Variants in DPP6 observed in about 807,000 individuals in gnomAD.
DPP6 encodes A-type potassium channel modulatory protein DPP6.
A neutral mutation model predicts 122.6 loss-of-function variants in DPP6; 69 were observed. That is an observed-to-expected ratio of 0.56 (90% CI 0.46 to 0.69). DPP6 has a LOEUF of 0.69. Ranked by LOEUF, DPP6 falls within the 30% of genes least tolerant of loss-of-function variation. The pLI, the probability that DPP6 is intolerant of heterozygous loss-of-function variation, is 0.00. For synonymous variants in DPP6, 418 were observed against 433.1 expected (o/e 0.97, Z 0.43); for missense variants, 928 against 1,116.9 (o/e 0.83, Z 2.41).
At chr7:154,180,246 G>T (rs1240860638) in intron 1 of DPP6, among the ~76,000 whole-genome samples, 8 of 151,732 alleles carry the variant, frequency 5.3e-5, no homozygotes, top group African/African-American at 1.5e-4. Context: ...TACTCGGGAG[G>T]CTGAGGCATA....
intron 16 of DPP6, among the ~76,000 whole-genome samples, chr7:154,850,774 CT>C (rs1482331939): frequency 3.9e-5 from 6 of 152,160 alleles, no homozygotes; most frequent in Non-Finnish European, 8.8e-5. Flanking sequence ...CTTTGTACTT[CT>C]GTGTTATCAG....
At position 154,728,933 on chromosome 7, in the gene DPP6, C is replaced by T. The variant is rs116532109; in HGVS notation, c.883+1046C>T. ...TAACCTCATCACCTTACAAAGGCTC[C>T]ACCTCCTAACCCCATCACCTTAGGG... On this transcript the variant is annotated intron_variant, in intron 8 of 25. Coordinates refer to ENST00000377770, the MANE Select transcript of DPP6 (RefSeq NM_130797.4). Among the ~76,000 whole-genome samples the T allele has an allele frequency of 6.8e-3, 1,036 of 152,286 alleles. 12 individuals are homozygous for T. The highest frequency in any genetic ancestry group is 0.024 in the African/African-American group (978 of 41,560).
At chr7:154,162,457 A>G (rs550758675) in intron 1 of DPP6, among the ~76,000 whole-genome samples, 45 of 152,370 alleles carry the variant, frequency 3.0e-4, no homozygotes, top group African/African-American at 1.1e-3. Context: ...TCTTGAATAT[A>G]TAAAATTAGA....
At chr7:154,050,221 T>C (rs1229000443), upstream of DPP6, among the ~76,000 whole-genome samples, 4 of 152,004 alleles carry the variant, frequency 2.6e-5, no homozygotes, top group Non-Finnish European at 2.9e-5. Flanking sequence ...TCGCTTATCA[T>C]ATTTTCTTAG....
chr7:153,849,794 T>C, the DPP6 span, among the ~76,000 whole-genome samples: 2 of 152,200 alleles, frequency 1.3e-5, no homozygotes, highest in African/African-American at 4.8e-5. Context: ...TCATATACAT[T>C]TTGGCAAACC....
chr7:154,205,655 C>G (rs1799402349), intron 1 of DPP6, among the ~76,000 whole-genome samples: 1 of 152,120 alleles, frequency 6.6e-6, no homozygotes, highest in Admixed American at 6.5e-5. Context: ...CATGGCACAG[C>G]CTGAGCTCAC....
At chr7:154,684,717 A>G (rs1278638336) in intron 7 of DPP6, among the ~76,000 whole-genome samples, 1 of 152,152 alleles carries the variant, frequency 6.6e-6, no homozygotes, top group Non-Finnish European at 1.5e-5. Flanking sequence ...AAAGGTTATG[A>G]TTGCACGTAC....
At chr7:154,181,660 C>A (rs1798088507) in intron 1 of DPP6, among the ~76,000 whole-genome samples, 1 of 151,988 alleles carries the variant, frequency 6.6e-6, no homozygotes, top group Admixed American at 6.6e-5. Flanking sequence ...TCATTTGGAC[C>A]CCTTATCTCT....
At chr7:154,551,370 A>G (rs1411890102) in intron 4 of DPP6, among the ~76,000 whole-genome samples, 1 of 152,038 alleles carries the variant, frequency 6.6e-6, no homozygotes, top group African/African-American at 2.4e-5. Flanking sequence ...GAAAAAGCAA[A>G]ATTTTTGTGC....
intron 1 of DPP6, among the ~76,000 whole-genome samples, chr7:154,183,706 G>A (rs1798211138): frequency 6.6e-6 from 1 of 152,190 alleles, no homozygotes; most frequent in Non-Finnish European, 1.5e-5. Flanking sequence ...TGGAGAGAAC[G>A]ACGGACAATT....
chr7:154,446,364 C>T, intron 2 of DPP6, 36 bp downstream of exon 2: 3 of 1,535,564 alleles, frequency 2.0e-6, no homozygotes, highest in Non-Finnish European at 2.7e-6. Flanking sequence ...AAGTCGCTGT[C>T]AGAGAGAAAG....
chr7:154,476,763 G>C (rs1407662607), intron 3 of DPP6, among the ~76,000 whole-genome samples: 2 of 152,154 alleles, frequency 1.3e-5, no homozygotes, highest in East Asian at 3.9e-4. Flanking sequence ...ATGCCCAGCA[G>C]TTACAAAAAC....
intron 6 of DPP6, among the ~76,000 whole-genome samples, chr7:154,662,554 A>G (rs368995049): frequency 0.016 from 287 of 17,404 alleles, 4 homozygotes; most frequent in South Asian, 0.031. Context: ...ATGGCGTATC[A>G]GCCGTAGTGT....
At chr7:154,299,571 G>A (rs918496230) in intron 1 of DPP6, among the ~76,000 whole-genome samples, 2 of 152,184 alleles carry the variant, frequency 1.3e-5, no homozygotes, top group Non-Finnish European at 2.9e-5. Context: ...CATGACTCCA[G>A]AAGAATCGTA....
intron 5 of DPP6, among the ~76,000 whole-genome samples, chr7:154,612,851 ATTGGGCTTATT>A (rs1611001): frequency 0.4 from 61,475 of 152,072 alleles, 13,439 homozygotes; most frequent in East Asian, 0.65. Context: ...GACTTGTCTT[ATTGGGCTTATT>A]GTCTTATTTG....
chr7:154,714,294 C>T (rs1841357135), intron 7 of DPP6, among the ~76,000 whole-genome samples: 2 of 152,226 alleles, frequency 1.3e-5, no homozygotes, highest in Non-Finnish European at 2.9e-5. Context: ...CAACCTCTGC[C>T]TGTTACCCAG....
At chr7:154,465,235 A>G (rs1393990001) in intron 2 of DPP6, among the ~76,000 whole-genome samples, 1 of 152,252 alleles carries the variant, frequency 6.6e-6, no homozygotes, top group African/African-American at 2.4e-5. Context: ...TCTATGTACT[A>G]GCAACACACA....
chr7:154,005,363 T>A (rs1797868854), intron 1 of DPP6, among the ~76,000 whole-genome samples: 1 of 152,108 alleles, frequency 6.6e-6, no homozygotes, highest in Non-Finnish European at 1.5e-5. Flanking sequence ...TTTAGCAGGT[T>A]CCACTAGTGC....
the DPP6 span, among the ~76,000 whole-genome samples, chr7:153,837,190 T>C: frequency 6.6e-6 from 1 of 152,236 alleles, no homozygotes; most frequent in East Asian, 1.9e-4. Context: ...TGAGGTGTTT[T>C]CTTTCTCAAA....
Sources: gnomAD v4.1 joint callset for allele counts (sites outside exome capture counted in the v4.1 genomes callset) on GRCh38, gnomAD v4.1.1 for gene constraint, MANE v1.5 for transcripts, NCBI Gene and HGNC (gene_info 2026-07-23, HGNC 2026-07-21) for gene names.